The following ADK variants were observed in gnomAD, a reference collection of about 807,000 sequenced individuals.
ADK encodes the protein N6,N6-dimethyladenosine kinase.
In ADK, 24 loss-of-function variants were observed where a neutral mutation model predicts 44.7. That is an observed-to-expected ratio of 0.54 (90% CI 0.39 to 0.76). ADK has a LOEUF of 0.76. Among genes scored for constraint, ADK ranks in the 30% least tolerant of loss-of-function variants. The pLI, the probability that ADK is intolerant of heterozygous loss-of-function variation, is 0.00. For missense variants in ADK, 321 were observed against 425.1 expected, an observed-to-expected ratio of 0.76 and a Z score of 2.15; for synonymous variants, 128 against 142.6, an observed-to-expected ratio of 0.90 and a Z score of 0.73.
At chr10:74,551,911 A>G (rs1850046953) in intron 7 of ADK, among the ~76,000 whole-genome samples, 1 of 152,156 alleles carries the variant, frequency 6.6e-6, no homozygotes, top group African/African-American at 2.4e-5. Context: ...CATATAACCT[A>G]TGCATATACT....
chr10:74,541,828 G>A (rs1052439446), intron 7 of ADK, among the ~76,000 whole-genome samples: 27 of 115,338 alleles, frequency 2.3e-4, no homozygotes, highest in Admixed American at 2.1e-3. Context: ...ACACAACACA[G>A]AAATGCTATT....
At chr10:74,508,495 A>T (rs1309864429) in intron 6 of ADK, 1 of 152,226 alleles carries the variant, frequency 6.6e-6, no homozygotes, top group African/African-American at 2.4e-5. Flanking sequence ...GCATTTATTT[A>T]ATTCTCACAA....
At chr10:74,347,578 T>G (rs1203976336) in intron 4 of ADK, among the ~76,000 whole-genome samples, 2 of 151,844 alleles carry the variant, frequency 1.3e-5, no homozygotes, top group African/African-American at 4.8e-5. Context: ...AACTGTTAAC[T>G]CCCCTGGAAA....
chr10:74,507,416 C>A (rs1848123792), intron 6 of ADK, among the ~76,000 whole-genome samples: 1 of 151,678 alleles, frequency 6.6e-6, no homozygotes, highest in African/African-American at 2.4e-5. Flanking sequence ...AGTTTGAGAC[C>A]AGCCTGGGCA....
At chr10:74,310,736 T>G (rs1307915561) in intron 3 of ADK, among the ~76,000 whole-genome samples, 1 of 152,208 alleles carries the variant, frequency 6.6e-6, no homozygotes, top group Non-Finnish European at 1.5e-5. Context: ...GATAGTTACC[T>G]TTTCTTTGTC....
At chr10:74,648,180 T>C (rs1393112559) in intron 9 of ADK, among the ~76,000 whole-genome samples, 2 of 152,078 alleles carry the variant, frequency 1.3e-5, no homozygotes, top group African/African-American at 4.8e-5. Context: ...AATTAAGACA[T>C]TTCCAGATAA....
chr10:74,275,116 C>T (rs990004840), intron 3 of ADK, among the ~76,000 whole-genome samples: 2 of 152,036 alleles, frequency 1.3e-5, no homozygotes, highest in Admixed American at 1.3e-4. Flanking sequence ...TCTGTTGGAG[C>T]TGCCCTGGGA....
intron 9 of ADK, among the ~76,000 whole-genome samples, chr10:74,656,548 A>G (rs1218258165): frequency 6.6e-6 from 1 of 152,110 alleles, no homozygotes; most frequent in African/African-American, 2.4e-5. Context: ...CAGAGGCAGT[A>G]TAGGAGAGAG....
chr10:74,211,790 A>G (rs1843821309), intron 2 of ADK, among the ~76,000 whole-genome samples: 1 of 152,206 alleles, frequency 6.6e-6, no homozygotes, highest in Non-Finnish European at 1.5e-5. Flanking sequence ...ATTAGCATAT[A>G]TGATATTAAC....
chr10:74,497,260 G>A (rs913873028), intron 6 of ADK, among the ~76,000 whole-genome samples: 16 of 152,212 alleles, frequency 1.1e-4, no homozygotes, highest in African/African-American at 3.4e-4. Context: ...CTGGGATGTG[G>A]TACTTTTCCT....
chr10:74,524,473 A>G (rs184387967), intron 6 of ADK, among the ~76,000 whole-genome samples: 4 of 152,086 alleles, frequency 2.6e-5, no homozygotes, highest in African/African-American at 4.8e-5. Flanking sequence ...GCTCACTTCA[A>G]CCTCCACCAC....
At chr10:74,611,209 T>G (rs186778496) in intron 9 of ADK, among the ~76,000 whole-genome samples, 2 of 152,074 alleles carry the variant, frequency 1.3e-5, no homozygotes, top group African/African-American at 4.8e-5. Context: ...TATTTTTTCT[T>G]TGGTGGAGAC....
chr10:74,225,042 C>A (rs11000931), intron 3 of ADK, among the ~76,000 whole-genome samples: 31,567 of 152,150 alleles, frequency 0.21, 4,434 homozygotes, highest in African/African-American at 0.4. Context: ...CTGGTTTATG[C>A]AAAAGTAAAT....
intron 9 of ADK, among the ~76,000 whole-genome samples, chr10:74,633,591 C>A (rs1853515055): frequency 6.6e-6 from 1 of 151,904 alleles, no homozygotes; most frequent in Non-Finnish European, 1.5e-5. Context: ...AAAGTCAGAC[C>A]CAAAAGAGTG....
chr10:74,491,364 T>A (rs1175910339), intron 6 of ADK, among the ~76,000 whole-genome samples: 3 of 152,200 alleles, frequency 2.0e-5, no homozygotes, highest in African/African-American at 7.2e-5. Flanking sequence ...TGCGTCAGCC[T>A]CTCAAGCAGC....
At chr10:74,616,324 G>T (rs1263940587) in intron 9 of ADK, among the ~76,000 whole-genome samples, 1 of 151,766 alleles carries the variant, frequency 6.6e-6, no homozygotes, top group African/African-American at 2.4e-5. Flanking sequence ...CTCTTCTGTT[G>T]TTTTTTTCTA....
chr10:74,549,345 A>G (rs1849948540), intron 7 of ADK, among the ~76,000 whole-genome samples: 1 of 152,224 alleles, frequency 6.6e-6, no homozygotes, highest in African/African-American at 2.4e-5. Flanking sequence ...TCGAATTTAT[A>G]GAACACTCTT....
At chr10:74,566,203 T>C (rs1031357073) in intron 7 of ADK, among the ~76,000 whole-genome samples, 19 of 128,062 alleles carry the variant, frequency 1.5e-4, no homozygotes, top group East Asian at 1.2e-3. Flanking sequence ...CTCTCTCTCT[T>C]TTTTTTTTTT....
chr10:74,262,383 G>A (rs1396703418), intron 3 of ADK, among the ~76,000 whole-genome samples: 5 of 148,988 alleles, frequency 3.4e-5, no homozygotes, highest in African/African-American at 1.2e-4. Flanking sequence ...TTATATAATT[G>A]TGCCAGTTCT....
Sources: gnomAD v4.1 joint callset for allele counts (sites outside exome capture counted in the v4.1 genomes callset) on GRCh38, gnomAD v4.1.1 for gene constraint, MANE v1.5 for transcripts, NCBI Gene and HGNC (gene_info 2026-07-23, HGNC 2026-07-21) for gene names.